NDUFAF2: variants seen among roughly 807,000 people sequenced by gnomAD.
The protein encoded by NDUFAF2 is NADH:ubiquinone oxidoreductase complex assembly factor 2.
NDUFAF2 carries 13 observed loss-of-function variants against 22.8 expected under a neutral mutation model. The ratio of observed to expected loss-of-function variants is 0.57; its 90% CI spans 0.37 to 0.91. The LOEUF (loss-of-function observed/expected upper bound fraction) is 0.91. Among genes scored for constraint, NDUFAF2 ranks in the 40% least tolerant of loss-of-function variants. NDUFAF2 has a pLI of 0.01. For synonymous variants in NDUFAF2, 53 were observed against 64.2 expected, an observed-to-expected ratio of 0.83 and a Z score of 0.84; for missense variants, 162 against 195.2, an observed-to-expected ratio of 0.83 and a Z score of 1.01.
At chr5:61,126,020 T>A (rs989446808) in intron 3 of NDUFAF2, among the ~76,000 whole-genome samples, 3 of 151,970 alleles carry the variant, frequency 2.0e-5, no homozygotes, top group Admixed American at 1.3e-4. Context: ...AAAGATCCAT[T>A]TCTGAGGGAA....
chr5:61,031,883 A>G (rs530614575), intron 1 of NDUFAF2, among the ~76,000 whole-genome samples: 1 of 152,308 alleles, frequency 6.6e-6, no homozygotes, highest in African/African-American at 2.4e-5. Flanking sequence ...CCTCTCCAGC[A>G]TCTGTTGTTT....
chr5:61,089,323 T>C (rs1460629390), intron 2 of NDUFAF2, among the ~76,000 whole-genome samples: 2 of 152,166 alleles, frequency 1.3e-5, no homozygotes, highest in South Asian at 2.1e-4. Flanking sequence ...TGAGGACTGA[T>C]ACAGATTTCA....
At chr5:61,152,067 C>G (rs1425003325) in intron 3 of NDUFAF2, among the ~76,000 whole-genome samples, 2 of 152,138 alleles carry the variant, frequency 1.3e-5, no homozygotes, top group Non-Finnish European at 2.9e-5. Flanking sequence ...TTCTGAGGAA[C>G]AGAACTGCAT....
At chr5:61,103,035 A>T (rs1301091955) in intron 3 of NDUFAF2, among the ~76,000 whole-genome samples, 3 of 152,150 alleles carry the variant, frequency 2.0e-5, no homozygotes, top group African/African-American at 7.2e-5. Context: ...TTGAAAACTG[A>T]CAGTTTGTTA....
intron 1 of NDUFAF2, among the ~76,000 whole-genome samples, chr5:60,980,708 T>C (rs1259253877): frequency 6.6e-6 from 1 of 152,128 alleles, no homozygotes; most frequent in African/African-American, 2.4e-5. Flanking sequence ...GGGAGACAGA[T>C]GTTGCAGTGA....
chr5:61,052,278 C>T (rs1318432692), intron 1 of NDUFAF2, among the ~76,000 whole-genome samples: 1 of 152,024 alleles, frequency 6.6e-6, no homozygotes, highest in Non-Finnish European at 1.5e-5. Flanking sequence ...TTAATCTTTC[C>T]TGGTCCTATA....
chr5:61,052,586 A>AG, intron 1 of NDUFAF2, among the ~76,000 whole-genome samples: 1 of 152,322 alleles, frequency 6.6e-6, no homozygotes, highest in South Asian at 2.1e-4. Flanking sequence ...CTGGGATTAT[A>AG]GGCGTGAACC....
chr5:61,085,876 A>G (rs1471363911), intron 2 of NDUFAF2, among the ~76,000 whole-genome samples: 1 of 152,112 alleles, frequency 6.6e-6, no homozygotes, highest in Admixed American at 6.6e-5. Context: ...GTACTTTGGG[A>G]GGCTAAAGTG....
chr5:60,961,753 G>A (rs1378608875), intron 1 of NDUFAF2, among the ~76,000 whole-genome samples: 4 of 140,840 alleles, frequency 2.8e-5, no homozygotes, highest in African/African-American at 1.1e-4. Context: ...GCAACAGAAG[G>A]AGACTCTGTC....
At chr5:60,974,126 C>G (rs1471021189) in intron 1 of NDUFAF2, among the ~76,000 whole-genome samples, 1 of 152,214 alleles carries the variant, frequency 6.6e-6, no homozygotes, top group Non-Finnish European at 1.5e-5. Context: ...CAGACCCACT[C>G]TCAGTCCAGG....
intron 3 of NDUFAF2, among the ~76,000 whole-genome samples, chr5:61,130,826 A>G (rs1395711905): frequency 1.3e-5 from 2 of 152,156 alleles, no homozygotes; most frequent in African/African-American, 4.8e-5. Context: ...GCAGATGGCC[A>G]AGGGAGTTTA....
At chr5:61,141,664 AAATG>A (rs70977828) in intron 3 of NDUFAF2, among the ~76,000 whole-genome samples, 61,185 of 151,008 alleles carry the variant, frequency 0.41, 13,288 homozygotes, top group East Asian at 0.8. Context: ...AGTATATATT[AAATG>A]AATGAATGAA....
At chr5:60,984,306 A>G (rs1335822968) in intron 1 of NDUFAF2, among the ~76,000 whole-genome samples, 3 of 151,746 alleles carry the variant, frequency 2.0e-5, no homozygotes, top group Non-Finnish European at 4.4e-5. Flanking sequence ...AGCTGAGACG[A>G]TGGGGTTTTC....
At chr5:61,021,257 G>A (rs1269536578) in intron 1 of NDUFAF2, among the ~76,000 whole-genome samples, 2 of 152,088 alleles carry the variant, frequency 1.3e-5, no homozygotes, top group Non-Finnish European at 2.9e-5. Flanking sequence ...TCTTCTTGAG[G>A]ATCTAGAGGA....
At chr5:60,979,621 G>T (rs1392209483) in intron 1 of NDUFAF2, among the ~76,000 whole-genome samples, 6 of 152,092 alleles carry the variant, frequency 3.9e-5, no homozygotes, top group African/African-American at 1.4e-4. Flanking sequence ...TTGTCTTGTG[G>T]CTCAGGTGCC....
intron 1 of NDUFAF2, among the ~76,000 whole-genome samples, chr5:61,008,269 T>A (rs1008026787): frequency 6.6e-6 from 1 of 151,938 alleles, no homozygotes; most frequent in Non-Finnish European, 1.5e-5. Flanking sequence ...AACCTGCACA[T>A]TGTGCACATG....
rs113897855 is a variant in NDUFAF2, at chr5:61,031,513, C to A, written c.128-41612C>A. ...TGCTTTTTTATGGCTGCATAGTATTCCATGGTATACTGCATAGTATTCCAT... is the reference window on the plus strand; with the variant it reads ...TGCTTTTTTATGGCTGCATAGTATTACATGGTATACTGCATAGTATTCCAT... On this transcript the variant is annotated intron_variant, in intron 1 of 3. Transcript: ENST00000296597. 3.3e-3 allele frequency among the ~76,000 whole-genome samples: 371 copies of A among 113,890 alleles called. 8 individuals are homozygous for A. Among genetic ancestry groups the A allele is most frequent in the African/African-American group, 9.6e-3 (360 of 37,324 alleles). The allele number at this position is 113,890 out of a possible 152,430, so 74.7% of individuals were successfully genotyped here.
chr5:61,071,108 G>A (rs1182656644), intron 1 of NDUFAF2, among the ~76,000 whole-genome samples: 1 of 152,080 alleles, frequency 6.6e-6, no homozygotes, highest in Non-Finnish European at 1.5e-5. Context: ...TAGCATTTTA[G>A]TAAACATACA....
intron 1 of NDUFAF2, among the ~76,000 whole-genome samples, chr5:61,008,412 G>A (rs1258433940): frequency 1.3e-5 from 2 of 152,056 alleles, no homozygotes; most frequent in African/African-American, 4.8e-5. Flanking sequence ...GATAGCAAAG[G>A]CATTTATTCA....
Sources: gnomAD v4.1 joint callset for allele counts (sites outside exome capture counted in the v4.1 genomes callset) on GRCh38, gnomAD v4.1.1 for gene constraint, MANE v1.5 for transcripts, NCBI Gene and HGNC (gene_info 2026-07-23, HGNC 2026-07-21) for gene names.